ELMO1: variants seen among roughly 807,000 people sequenced by gnomAD.
ELMO1 encodes the protein engulfment and cell motility 1.
A neutral mutation model predicts 98.9 loss-of-function variants in ELMO1; 26 were observed. That is an observed-to-expected ratio of 0.26 (90% CI 0.19 to 0.36). The LOEUF (loss-of-function observed/expected upper bound fraction) is 0.36, where lower values mean the gene tolerates loss of function less well. Ranked by LOEUF, ELMO1 falls within the 10% of genes least tolerant of loss-of-function variation. The pLI is 1.00. For missense variants in ELMO1, 627 were observed against 935.2 expected (o/e 0.67, Z 4.30); for synonymous variants, 346 against 346.0 (o/e 1.00, Z 0.00).
chr7:37,224,794 TAAC>T, intron 9 of ELMO1, 82 bp downstream of exon 9: 2 of 1,542,224 alleles, frequency 1.3e-6, no homozygotes, highest in Non-Finnish European at 1.8e-6. Context: ...AACCAAACTA[TAAC>T]AACATAAAAC....
intron 14 of ELMO1, among the ~76,000 whole-genome samples, chr7:37,124,756 G>C (rs898108932): frequency 4.0e-5 from 6 of 150,928 alleles, no homozygotes; most frequent in African/African-American, 1.5e-4. Flanking sequence ...AGCTACCAAT[G>C]ACTTTCTTCA....
chr7:37,399,380 A>C (rs888349571), intron 1 of ELMO1, among the ~76,000 whole-genome samples: 3 of 152,118 alleles, frequency 2.0e-5, no homozygotes, highest in African/African-American at 4.8e-5. Context: ...TGCTGAAGGG[A>C]CCACCAATTT....
intron 16 of ELMO1, among the ~76,000 whole-genome samples, chr7:36,958,834 C>T (rs79371420): frequency 0.029 from 4,455 of 151,834 alleles, 214 homozygotes; most frequent in African/African-American, 0.1. Flanking sequence ...TTCCCTGTCT[C>T]CACTCACTCC....
intron 16 of ELMO1, among the ~76,000 whole-genome samples, chr7:36,932,282 T>C (rs958423922): frequency 6.6e-6 from 1 of 152,134 alleles, no homozygotes; most frequent in African/African-American, 2.4e-5. Context: ...CCTGATTAAC[T>C]GGGAGACAAA....
intron 16 of ELMO1, among the ~76,000 whole-genome samples, chr7:37,000,605 A>T (rs974851601): frequency 1.3e-5 from 2 of 152,158 alleles, no homozygotes; most frequent in African/African-American, 4.8e-5. Context: ...GAACGGCATG[A>T]TGTGTTCACA....
intron 16 of ELMO1, among the ~76,000 whole-genome samples, chr7:36,963,959 T>C (rs1008113719): frequency 6.6e-6 from 1 of 152,184 alleles, no homozygotes; most frequent in African/African-American, 2.4e-5. Flanking sequence ...CAGAAAGCAA[T>C]TAGATAACCT....
intron 15 of ELMO1, among the ~76,000 whole-genome samples, chr7:37,074,700 G>A (rs1797468116): frequency 6.6e-6 from 1 of 152,208 alleles, no homozygotes. Context: ...ACCCGGCTAT[G>A]AATGTGGGGT....
chr7:37,072,945 G>A (rs1797361114), intron 15 of ELMO1, among the ~76,000 whole-genome samples: 1 of 152,166 alleles, frequency 6.6e-6, no homozygotes. Flanking sequence ...TTTTATTGTT[G>A]CTATAATTTT....
chr7:37,061,819 T>C (rs775981902), intron 15 of ELMO1, among the ~76,000 whole-genome samples: 5 of 152,218 alleles, frequency 3.3e-5, no homozygotes, highest in Non-Finnish European at 5.9e-5. Context: ...TTTAGATTAA[T>C]TGCCAACCTA....
chr7:37,147,832 G>C (rs1297479233), intron 13 of ELMO1, among the ~76,000 whole-genome samples: 1 of 133,372 alleles, frequency 7.5e-6, no homozygotes, highest in Non-Finnish European at 1.6e-5. Context: ...AGAAAAGTTG[G>C]AAAAAAAAAA....
chr7:36,999,210 C>A (rs180803497), intron 16 of ELMO1, among the ~76,000 whole-genome samples: 2 of 152,202 alleles, frequency 1.3e-5, no homozygotes. Flanking sequence ...CCTCTCCATG[C>A]CTCATCTGGA....
In ELMO1 at chr7:37,072,863, T is replaced by C. The variant is rs549817651; in HGVS notation, c.1300+23756A>G. ...TACATATGTCAAAAAATGTTTAACC[T>C]TTCTCATAAAAGAGCCAAGAATGAG... On this transcript the variant is annotated intron_variant, in intron 15 of 21. Transcript: ENST00000310758. Among the ~76,000 whole-genome samples, 16 of 152,328 alleles carry C rather than the reference T, an allele frequency of 1.1e-4. 1 individual carries two copies. The East Asian group carries it at 3.1e-3, about 29-fold the overall frequency.
chr7:36,903,378 G>A (rs909887997), intron 16 of ELMO1, among the ~76,000 whole-genome samples: 1 of 152,202 alleles, frequency 6.6e-6, no homozygotes. Flanking sequence ...GTACCATAAT[G>A]TAATGACCTG....
At chr7:37,221,127 C>T (rs754939280) in intron 10 of ELMO1, among the ~76,000 whole-genome samples, 4 of 152,152 alleles carry the variant, frequency 2.6e-5, no homozygotes, top group Admixed American at 1.3e-4. Context: ...GCCCCTAGCA[C>T]AGGCTTGTGG....
At chr7:37,032,558 G>A (rs1046031666) in intron 15 of ELMO1, among the ~76,000 whole-genome samples, 9 of 152,132 alleles carry the variant, frequency 5.9e-5, no homozygotes, top group Non-Finnish European at 1.2e-4. Flanking sequence ...TAAAATGGCT[G>A]GTTAGATCAT....
intron 14 of ELMO1, among the ~76,000 whole-genome samples, chr7:37,109,665 C>T (rs1200207832): frequency 6.6e-6 from 1 of 152,228 alleles, no homozygotes; most frequent in African/African-American, 2.4e-5. Context: ...TAGGTGATGA[C>T]GCCCCCTAAT....
intron 14 of ELMO1, among the ~76,000 whole-genome samples, chr7:37,116,580 T>C (rs1235774518): frequency 3.3e-5 from 5 of 152,050 alleles, no homozygotes; most frequent in East Asian, 3.8e-4. Context: ...GTTTACAATA[T>C]GTCAACTACA....
chr7:37,394,781 G>A (rs1034431350), intron 1 of ELMO1, among the ~76,000 whole-genome samples: 7 of 152,206 alleles, frequency 4.6e-5, no homozygotes, highest in African/African-American at 1.7e-4. Flanking sequence ...CAGTGGGGGT[G>A]GCTTTGATCA....
chr7:37,363,251 A>G (rs1562643940), intron 1 of ELMO1, among the ~76,000 whole-genome samples: 1 of 152,014 alleles, frequency 6.6e-6, no homozygotes, highest in Non-Finnish European at 1.5e-5. Context: ...AACCCTCACA[A>G]ACATTCCCTA....
Sources: allele counts gnomAD v4.1 joint callset (sites outside exome capture counted in the v4.1 genomes callset), GRCh38; gene constraint gnomAD v4.1.1; transcripts MANE v1.5; gene names NCBI Gene and HGNC (gene_info 2026-07-23, HGNC 2026-07-21).